The following NF2 variants were observed in gnomAD, a reference collection of about 807,000 sequenced individuals.
NF2 encodes merlin.
NF2 carries 8 observed loss-of-function variants against 83.7 expected under a neutral mutation model. That is an observed-to-expected ratio of 0.10 (90% confidence interval 0.06 to 0.17). NF2 has a LOEUF of 0.17. NF2 is among the 10% of genes least tolerant of loss of function. The probability of loss-of-function intolerance (pLI) is 1.00; values close to 1 mark genes in which losing one functional copy is unlikely to be tolerated. For missense variants in NF2, 533 were observed against 744.4 expected (o/e 0.72, Z 3.31); for synonymous variants, 266 against 269.6 (o/e 0.99, Z 0.13).
chr22:29,608,172 CAAAAAAAAAAAA>C (rs570144418), intron 1 of NF2, among the ~76,000 whole-genome samples: 1 of 31,706 alleles, frequency 3.2e-5, no homozygotes, highest in Non-Finnish European at 5.0e-5. Flanking sequence ...GACTCTGTCT[CAAAAAAAAAAAA>C]AAAAAAAAAA....
At chr22:29,663,660 TA>T (rs1378437513) in intron 8 of NF2, among the ~76,000 whole-genome samples, 10 of 152,376 alleles carry the variant, frequency 6.6e-5, no homozygotes, top group Non-Finnish European at 1.5e-4. Flanking sequence ...ACACTGCTTC[TA>T]AGTTAACTTG....
intron 1 of NF2, among the ~76,000 whole-genome samples, chr22:29,624,998 T>C (rs1302716637): frequency 6.7e-6 from 1 of 149,792 alleles, no homozygotes; most frequent in Non-Finnish European, 1.5e-5. Context: ...AGTGGTGAGA[T>C]CTCGGCTCAC....
chr22:29,621,325 C>T (rs1048496492), intron 1 of NF2, among the ~76,000 whole-genome samples: 5 of 152,160 alleles, frequency 3.3e-5, no homozygotes, highest in Non-Finnish European at 1.5e-5. Flanking sequence ...TGCCTCTGTT[C>T]CCTAACTGTA....
intron 10 of NF2, among the ~76,000 whole-genome samples, chr22:29,669,308 G>A (rs1023645331): frequency 3.9e-5 from 6 of 152,234 alleles, no homozygotes; most frequent in Middle Eastern, 3.4e-3. Flanking sequence ...TGGATTTGTT[G>A]GACAAAGAAA....
At chr22:29,687,448 A>G (rs2067297439) in intron 15 of NF2, among the ~76,000 whole-genome samples, 1 of 152,168 alleles carries the variant, frequency 6.6e-6, no homozygotes, top group Non-Finnish European at 1.5e-5. Context: ...GAAGTAGAAC[A>G]GTTAAAAAAA....
At chr22:29,664,667 A>G (rs2066567801) in intron 8 of NF2, among the ~76,000 whole-genome samples, 1 of 152,232 alleles carries the variant, frequency 6.6e-6, no homozygotes. Context: ...AGGTGGGCCC[A>G]TGCCCTCGAC....
intron 3 of NF2, among the ~76,000 whole-genome samples, chr22:29,641,395 T>C (rs1038546402): frequency 1.3e-5 from 2 of 152,226 alleles, no homozygotes; most frequent in Non-Finnish European, 2.9e-5. Flanking sequence ...GCACTGCCTG[T>C]CTCTTGTGTG....
chr22:29,663,325 C>T (rs564820357), intron 8 of NF2, among the ~76,000 whole-genome samples: 2 of 152,294 alleles, frequency 1.3e-5, no homozygotes, highest in Admixed American at 1.3e-4. Context: ...CATACTATGG[C>T]CTGACACAGT....
chr22:29,675,158 A>G (rs901751878), intron 13 of NF2, among the ~76,000 whole-genome samples: 6 of 152,214 alleles, frequency 3.9e-5, no homozygotes, highest in African/African-American at 1.4e-4. Flanking sequence ...GGTTGCCTGG[A>G]TAACAGGCAA....
chr22:29,672,198 T>C (rs1391007202), intron 11 of NF2, among the ~76,000 whole-genome samples: 1 of 152,170 alleles, frequency 6.6e-6, no homozygotes, highest in Non-Finnish European at 1.5e-5. Context: ...GCCTGGGCAC[T>C]ACTGACATTT....
chr22:29,663,362 A>T (rs528651641), intron 8 of NF2, among the ~76,000 whole-genome samples: 3 of 152,320 alleles, frequency 2.0e-5, no homozygotes, highest in Non-Finnish European at 2.9e-5. Context: ...TCTCCGGGGG[A>T]CAGGCGCCAT....
In NF2 at chr22:29,683,021, C is replaced by T. The variant is rs2147129677; in HGVS notation, c.1737+1420C>T. ...CTTCATTTTATTTTGCTGGTTTAGC[C>T]TCAAGCCCAAGGCAGAAGACCTATC... On this transcript the variant is annotated intron_variant, in intron 15 of 15. Coordinates refer to ENST00000338641, the MANE Select transcript of NF2 (RefSeq NM_000268.4). 1 of 1,614,172 alleles carries T rather than the reference C, an allele frequency of 6.2e-7. No homozygotes were observed. Among genetic ancestry groups the T allele is most frequent in the Non-Finnish European group, 8.5e-7 (1 of 1,180,046 alleles).
intron 14 of NF2, among the ~76,000 whole-genome samples, chr22:29,679,403 C>G (rs986945995): frequency 6.6e-6 from 1 of 152,204 alleles, no homozygotes; most frequent in African/African-American, 2.4e-5. Flanking sequence ...ATCTGCTGTC[C>G]ATGTTCCTTT....
rs1182185192 is a variant in NF2 at position 29,678,189 on chromosome 22, T to G, written c.1447-7T>G. ...CAAGCTCCTAATCCGAAATTTCTCA[T>G]TAACAGCCCATGAACCCAATTCCAG... On this transcript the variant is annotated splice_polypyrimidine_tract_variant and splice_region_variant and intron_variant, in intron 13 of 15. Coordinates refer to ENST00000338641, the MANE Select transcript of NF2 (RefSeq NM_000268.4). 6.2e-7 allele frequency: 1 copy of G among 1,613,792 alleles called. No homozygotes were observed. The highest frequency in any genetic ancestry group is 8.5e-7 in the Non-Finnish European group (1 of 1,179,842).
intron 15 of NF2, 44 bp downstream of exon 15, chr22:29,681,645 A>G (rs2067140625): frequency 6.2e-6 from 10 of 1,611,540 alleles, no homozygotes; most frequent in Non-Finnish European, 8.5e-6. Flanking sequence ...CAGGACCATC[A>G]TTAATGAAAT....
chr22:29,673,949 G>T (rs2066886914), intron 12 of NF2, among the ~76,000 whole-genome samples: 1 of 152,202 alleles, frequency 6.6e-6, no homozygotes, highest in South Asian at 2.1e-4. Flanking sequence ...CTTGGCACAT[G>T]GGGGAGGAGG....
At chr22:29,648,968 T>C (rs369953511) in intron 4 of NF2, among the ~76,000 whole-genome samples, 2 of 152,312 alleles carry the variant, frequency 1.3e-5, no homozygotes, top group African/African-American at 2.4e-5. Flanking sequence ...TCTTTATTGG[T>C]AGATATTTAG....
rs143763619 is a variant in NF2 at position 29,649,564 on chromosome 22, A to T, written c.448-5093A>T. 1.8e-3 allele frequency among the ~76,000 whole-genome samples: 271 copies of T among 152,224 alleles called. 1 individual carries two copies. The highest frequency in any genetic ancestry group is 3.4e-3 in the Middle Eastern group (1 of 294). The stretch of plus-strand genomic sequence containing the variant: ...GAAAAAGGCAAAAACAAAACAAAAC[A>T]AAACAAAACAAAAGACAAAAAATAT... On this transcript the variant is annotated intron_variant, in intron 4 of 15. Coordinates refer to ENST00000338641, the MANE Select transcript of NF2 (RefSeq NM_000268.4).
At position 29,698,346 on chromosome 22, in the gene NF2, G is replaced by A. The variant is rs1463042742; in HGVS notation, c.*3544G>A. On this transcript the variant is annotated 3_prime_UTR_variant, in exon 16 of 16. Transcript: ENST00000338641. ...TGTCTAAGTGTTCCTCACTGACAGG[G>A]TGGGGCCTCACCACCCCTGGAGGGA... 2 of 222,026 alleles carry A rather than the reference G, an allele frequency of 9.0e-6. No homozygotes were observed. The highest frequency in any genetic ancestry group is 5.8e-5 in the Admixed American group (1 of 17,366). 13.8% of individuals were successfully genotyped at this position (222,026 alleles called of 1,614,324 possible).
Sources: gnomAD v4.1 joint callset for allele counts (sites outside exome capture counted in the v4.1 genomes callset) on GRCh38, gnomAD v4.1.1 for gene constraint, MANE v1.5 for transcripts, NCBI Gene and HGNC (gene_info 2026-07-23, HGNC 2026-07-21) for gene names.